Variants in ARHGAP15 observed in about 807,000 individuals in gnomAD.
The protein encoded by ARHGAP15 is Rho GTPase activating protein 15.
Under a neutral mutation model 63.7 loss-of-function variants are expected in ARHGAP15, and 51 were observed. The observed-to-expected ratio is 0.80, with a 90% CI of 0.64 to 1.01. The LOEUF (loss-of-function observed/expected upper bound fraction) is 1.01. Ranked by LOEUF, ARHGAP15 falls within the 50% of genes least tolerant of loss-of-function variation. The pLI is 0.00. For synonymous variants in ARHGAP15, 191 were observed against 193.8 expected (o/e 0.99, Z 0.12); for missense variants, 560 against 564.6 (o/e 0.99, Z 0.08).
chr2:143,631,825 T>C (rs1267236176), intron 12 of ARHGAP15, among the ~76,000 whole-genome samples: 1 of 151,804 alleles, frequency 6.6e-6, no homozygotes, highest in African/African-American at 2.4e-5. Flanking sequence ...AGTTTATCCA[T>C]TTTGTCTTTT....
intron 1 of ARHGAP15, among the ~76,000 whole-genome samples, chr2:143,134,632 CTTTTTTTTTT>C (rs139259059): frequency 8.4e-6 from 1 of 119,446 alleles, no homozygotes. Flanking sequence ...TATTCCTTTT[CTTTTTTTTTT>C]TTTTTTTTTT....
chr2:143,740,549 A>G (rs1351520987), intron 13 of ARHGAP15, among the ~76,000 whole-genome samples: 2 of 152,366 alleles, frequency 1.3e-5, no homozygotes, highest in East Asian at 1.9e-4. Flanking sequence ...ATAAGAAGCA[A>G]TATTCTCACC....
At chr2:143,373,256 T>C (rs979539915) in intron 6 of ARHGAP15, among the ~76,000 whole-genome samples, 7 of 152,050 alleles carry the variant, frequency 4.6e-5, no homozygotes, top group African/African-American at 1.7e-4. Context: ...ATTGCACAAG[T>C]ATTGGCAGAA....
At chr2:143,731,021 G>C (rs1270108755) in intron 13 of ARHGAP15, among the ~76,000 whole-genome samples, 1 of 149,004 alleles carries the variant, frequency 6.7e-6, no homozygotes, top group Admixed American at 6.7e-5. Context: ...AGTAGAAGTG[G>C]AGCAGCAATA....
chr2:143,486,243 A>C (rs1167082946), intron 8 of ARHGAP15, among the ~76,000 whole-genome samples: 2 of 152,136 alleles, frequency 1.3e-5, no homozygotes, highest in Non-Finnish European at 2.9e-5. Context: ...TATCTTGTCT[A>C]CAGACACAAC....
chr2:143,630,544 A>C (rs1046308604), intron 12 of ARHGAP15, among the ~76,000 whole-genome samples: 1 of 152,090 alleles, frequency 6.6e-6, no homozygotes, highest in Admixed American at 6.6e-5. Flanking sequence ...GGTTACTTTC[A>C]TAACTCTAGA....
chr2:143,439,678 G>C (rs1689793162), intron 8 of ARHGAP15, among the ~76,000 whole-genome samples: 1 of 151,878 alleles, frequency 6.6e-6, no homozygotes. Context: ...AGAAAACTGA[G>C]GCATGAAGAA....
chr2:143,131,456 G>C (rs143202357), intron 1 of ARHGAP15, among the ~76,000 whole-genome samples: 411 of 152,288 alleles, frequency 2.7e-3, no homozygotes, highest in African/African-American at 9.6e-3. Context: ...CCAGCATTCA[G>C]TAAGATTCAG....
intron 11 of ARHGAP15, among the ~76,000 whole-genome samples, chr2:143,574,866 T>A (rs1278579735): frequency 6.6e-6 from 1 of 152,184 alleles, no homozygotes; most frequent in Admixed American, 6.5e-5. Context: ...AGTGTAAACC[T>A]CTTTGCCCTC....
At chr2:143,447,343 A>G (rs1690188260) in intron 8 of ARHGAP15, among the ~76,000 whole-genome samples, 1 of 152,222 alleles carries the variant, frequency 6.6e-6, no homozygotes, top group South Asian at 2.1e-4. Context: ...CTGGTGATAA[A>G]AAGATGGGTT....
chr2:143,767,685 G>C (rs1406622809), intron 13 of ARHGAP15, among the ~76,000 whole-genome samples: 2 of 151,886 alleles, frequency 1.3e-5, no homozygotes, highest in East Asian at 3.9e-4. Context: ...CATTTTAAAG[G>C]CTGAATCTTA....
chr2:143,204,529 C>T (rs1692250529), intron 3 of ARHGAP15, among the ~76,000 whole-genome samples: 1 of 152,090 alleles, frequency 6.6e-6, no homozygotes, highest in Non-Finnish European at 1.5e-5. Context: ...AGAGCTCCAC[C>T]TTTATGACCT....
intron 6 of ARHGAP15, among the ~76,000 whole-genome samples, chr2:143,290,935 G>A (rs1202001615): frequency 1.3e-5 from 2 of 152,106 alleles, no homozygotes; most frequent in Non-Finnish European, 1.5e-5. Flanking sequence ...AGAAATAAGA[G>A]ATTTGTCAGA....
intron 8 of ARHGAP15, among the ~76,000 whole-genome samples, chr2:143,439,569 C>T (rs181419441): frequency 1.3e-3 from 201 of 150,612 alleles, no homozygotes; most frequent in Non-Finnish European, 2.3e-3. Flanking sequence ...ATTTACTGTG[C>T]ACCAGGCACT....
At chr2:143,330,121 AAAAAAAAAAACCAAAAAC>A (rs1684466255) in intron 6 of ARHGAP15, among the ~76,000 whole-genome samples, 6 of 87,260 alleles carry the variant, frequency 6.9e-5, no homozygotes, top group South Asian at 3.5e-4. Context: ...AAAAAAAAAA[AAAAAAAAAAACCAAAAAC>A]AAAAAACTAA....
chr2:143,419,608 C>A lies in ARHGAP15; in HGVS notation c.475-15993C>A, dbSNP rs139150933. 1.4e-3 allele frequency among the ~76,000 whole-genome samples: 213 copies of A among 150,984 alleles called. 1 individual carries two copies. The highest frequency in any genetic ancestry group is 4.4e-3 in the African/African-American group (180 of 41,086). On this transcript the variant is annotated intron_variant, in intron 6 of 13. Transcript: ENST00000295095. ...ATATGTTAAAAAAAATAATAAGATACGATATTGTATATTTAATTTGACCTA... is the reference window on the plus strand; with the variant it reads ...ATATGTTAAAAAAAATAATAAGATAAGATATTGTATATTTAATTTGACCTA...
At chr2:143,437,936 A>ATTGC (rs1317665911) in intron 8 of ARHGAP15, among the ~76,000 whole-genome samples, 1 of 152,158 alleles carries the variant, frequency 6.6e-6, no homozygotes, top group Non-Finnish European at 1.5e-5. Context: ...AGGCAGGAGA[A>ATTGC]TTGCTTGAAC....
At chr2:143,252,219 A>C (rs1680191061) in intron 6 of ARHGAP15, among the ~76,000 whole-genome samples, 1 of 152,036 alleles carries the variant, frequency 6.6e-6, no homozygotes, top group Non-Finnish European at 1.5e-5. Context: ...GCTATATTTG[A>C]TGCATACAGG....
chr2:143,631,406 T>A (rs922590923), intron 12 of ARHGAP15, among the ~76,000 whole-genome samples: 2 of 152,072 alleles, frequency 1.3e-5, no homozygotes, highest in Non-Finnish European at 2.9e-5. Flanking sequence ...TAAGCTGTTT[T>A]CCAAAGTCAT....
Sources: allele counts gnomAD v4.1 joint callset (sites outside exome capture counted in the v4.1 genomes callset), GRCh38; gene constraint gnomAD v4.1.1; transcripts MANE v1.5; gene names NCBI Gene and HGNC (gene_info 2026-07-23, HGNC 2026-07-21).